The following BAZ2B variants were observed in gnomAD, a reference collection of about 807,000 sequenced individuals.
BAZ2B encodes the protein bromodomain adjacent to zinc finger domain protein 2B.
In BAZ2B, 91 loss-of-function variants were observed where a neutral mutation model predicts 246.0. The observed-to-expected ratio is 0.37, with a 90% CI of 0.31 to 0.44. The LOEUF is 0.44. Among genes scored for constraint, BAZ2B ranks in the 20% least tolerant of loss-of-function variants. The probability of loss-of-function intolerance (pLI) is 1.00; values close to 1 mark genes in which losing one functional copy is unlikely to be tolerated. For missense variants in BAZ2B, 2,332 were observed against 2,533.7 expected, an observed-to-expected ratio of 0.92 and a Z score of 1.71; for synonymous variants, 855 against 860.0, an observed-to-expected ratio of 0.99 and a Z score of 0.10.
chr2:159,412,324 A>G lies in BAZ2B; in HGVS notation c.2677+11T>C. The G allele has an allele frequency of 6.2e-7, 1 of 1,612,718 alleles. No individual in the cohort carries two copies. Among genetic ancestry groups the G allele is most frequent in the South Asian group, 1.1e-5 (1 of 91,056 alleles). ...TATGATTATTAGTGTCAGACACATT[A>G]TGTTTCTTACCTTGAGCTTGCAGTT... On this transcript the variant is annotated intron_variant, in intron 14 of 36. Transcript: ENST00000392783.
At chr2:159,541,494 G>T (rs559299886) in intron 2 of BAZ2B, among the ~76,000 whole-genome samples, 1 of 152,122 alleles carries the variant, frequency 6.6e-6, no homozygotes, top group South Asian at 2.1e-4. Flanking sequence ...GGCCAGGCTG[G>T]TCTCAAACTC....
At chr2:159,689,131 C>A in the BAZ2B span, 1 of 333,774 alleles carries the variant, frequency 3.0e-6, no homozygotes. Flanking sequence ...TTCTATTCTA[C>A]ATCAACTTGT....
chr2:159,523,496 G>T (rs1055810534), intron 2 of BAZ2B, among the ~76,000 whole-genome samples: 4 of 152,054 alleles, frequency 2.6e-5, no homozygotes, highest in Non-Finnish European at 5.9e-5. Context: ...ACAAGATCAG[G>T]AGTTCGAGAC....
At chr2:159,399,003 G>T in intron 17 of BAZ2B, 109 bp from the exon 18 acceptor site, 1 of 905,254 alleles carries the variant, frequency 1.1e-6, no homozygotes, top group Non-Finnish European at 1.7e-6. Context: ...GAAACAGTAT[G>T]TAACACATAT....
At chr2:159,329,423 T>G (rs2064324659) in intron 34 of BAZ2B, among the ~76,000 whole-genome samples, 1 of 152,090 alleles carries the variant, frequency 6.6e-6, no homozygotes, top group Non-Finnish European at 1.5e-5. Flanking sequence ...GCTAATCCCT[T>G]GCAGATTTGC....
chr2:159,399,936 TC>T (rs1348694732), intron 17 of BAZ2B, among the ~76,000 whole-genome samples: 3 of 152,234 alleles, frequency 2.0e-5, no homozygotes, highest in African/African-American at 7.2e-5. Flanking sequence ...ATTTTCAACA[TC>T]AGTTATACTG....
the BAZ2B span, among the ~76,000 whole-genome samples, chr2:159,644,876 T>C: frequency 1.3e-5 from 2 of 152,202 alleles, no homozygotes; most frequent in Non-Finnish European, 2.9e-5. Context: ...ATCTCCATCT[T>C]CTGAAAACTT....
At chr2:159,372,694 T>C (rs1227805331) in intron 27 of BAZ2B, among the ~76,000 whole-genome samples, 3 of 152,228 alleles carry the variant, frequency 2.0e-5, no homozygotes, top group Non-Finnish European at 2.9e-5. Flanking sequence ...TCAGGATGTA[T>C]GCTTATTGTA....
chr2:159,317,164 A>C (rs374279810), downstream of BAZ2B, among the ~76,000 whole-genome samples: 99 of 152,358 alleles, frequency 6.5e-4, no homozygotes, highest in African/African-American at 2.4e-3. Context: ...TTAAAAGTAC[A>C]ATTAGGAATA....
At chr2:159,346,555 A>C (rs549038976) in intron 31 of BAZ2B, among the ~76,000 whole-genome samples, 6 of 152,038 alleles carry the variant, frequency 3.9e-5, no homozygotes, top group Non-Finnish European at 8.8e-5. Flanking sequence ...AAATACAAAA[A>C]TTAGTGGGGC....
At chr2:159,608,765 G>C (rs1193645646) in intron 1 of BAZ2B, among the ~76,000 whole-genome samples, 1 of 152,014 alleles carries the variant, frequency 6.6e-6, no homozygotes, top group South Asian at 2.1e-4. Context: ...AATAACCTTT[G>C]GATTTGTTGT....
intron 22 of BAZ2B, 121 bp downstream of exon 22, chr2:159,386,232 T>C: frequency 1.8e-6 from 2 of 1,132,328 alleles, no homozygotes; most frequent in African/African-American, 1.6e-5. Flanking sequence ...CAGTTAACTT[T>C]GTGAGACATT....
chr2:159,363,660 G>A (rs1172587930), intron 27 of BAZ2B, among the ~76,000 whole-genome samples: 2 of 152,164 alleles, frequency 1.3e-5, no homozygotes, highest in Non-Finnish European at 2.9e-5. Flanking sequence ...ACCAATAAAT[G>A]TGATATTGCT....
chr2:159,383,819 C>T (rs2149517368), intron 23 of BAZ2B, 139 bp from the exon 24 acceptor site: 1 of 668,108 alleles, frequency 1.5e-6, no homozygotes, highest in East Asian at 2.8e-5. Flanking sequence ...CATGCATATA[C>T]ACGTTCATAT....
At chr2:159,415,734 G>T (rs1288839847) in intron 13 of BAZ2B, among the ~76,000 whole-genome samples, 1 of 152,136 alleles carries the variant, frequency 6.6e-6, no homozygotes, top group Non-Finnish European at 1.5e-5. Context: ...CAAAGTTCTT[G>T]AGTTTTACGT....
chr2:159,610,992 T>C (rs1437309623), intron 1 of BAZ2B, among the ~76,000 whole-genome samples: 2 of 152,036 alleles, frequency 1.3e-5, no homozygotes, highest in Non-Finnish European at 2.9e-5. Context: ...TTCATTTACT[T>C]TTCCTGTTTT....
At chr2:159,626,240 A>G in the BAZ2B span, among the ~76,000 whole-genome samples, 2 of 152,152 alleles carry the variant, frequency 1.3e-5, no homozygotes. Context: ...GGAGACTTTA[A>G]CACCCCACTG....
chr2:159,527,187 T>C (rs1258548912), intron 2 of BAZ2B, among the ~76,000 whole-genome samples: 1 of 152,168 alleles, frequency 6.6e-6, no homozygotes, highest in East Asian at 1.9e-4. Flanking sequence ...TAATATGTCA[T>C]TTTTCAATTT....
chr2:159,473,435 G>A (rs2078091683), intron 3 of BAZ2B, among the ~76,000 whole-genome samples: 2 of 152,046 alleles, frequency 1.3e-5, no homozygotes, highest in Non-Finnish European at 2.9e-5. Flanking sequence ...CATTTTTATT[G>A]CATCTATTTG....
Sources: allele counts gnomAD v4.1 joint callset (sites outside exome capture counted in the v4.1 genomes callset), GRCh38; gene constraint gnomAD v4.1.1; transcripts MANE v1.5; gene names NCBI Gene and HGNC (gene_info 2026-07-23, HGNC 2026-07-21).